CNTN4: variants seen among roughly 807,000 people sequenced by gnomAD.
CNTN4 encodes the protein contactin 4, also known as contactin-4.
In CNTN4, 77 loss-of-function variants were observed where a neutral mutation model predicts 122.5. That is an observed-to-expected ratio of 0.63 (90% CI 0.52 to 0.76). CNTN4 has a LOEUF of 0.76. Among genes scored for constraint, CNTN4 ranks in the 30% least tolerant of loss-of-function variants. The pLI, the probability that CNTN4 is intolerant of heterozygous loss-of-function variation, is 0.00. For missense variants in CNTN4, 1,256 were observed against 1,259.1 expected (o/e 1.00, Z 0.04); for synonymous variants, 512 against 447.0 (o/e 1.15, Z -1.83).
chr3:2,451,825 C>G (rs1242992296), intron 3 of CNTN4, among the ~76,000 whole-genome samples: 1 of 152,094 alleles, frequency 6.6e-6, no homozygotes, highest in African/African-American at 2.4e-5. Context: ...AAAATCTGTT[C>G]AGCCTTGTTG....
intron 3 of CNTN4, among the ~76,000 whole-genome samples, chr3:2,452,739 A>G (rs2048874238): frequency 6.6e-6 from 1 of 152,124 alleles, no homozygotes; most frequent in Admixed American, 6.6e-5. Flanking sequence ...GTAGGAGTAT[A>G]TGAGAGACAG....
At chr3:2,414,850 C>G (rs1001042883) in intron 3 of CNTN4, among the ~76,000 whole-genome samples, 2 of 152,230 alleles carry the variant, frequency 1.3e-5, no homozygotes, top group Admixed American at 6.5e-5. Flanking sequence ...ATCAATTATA[C>G]TTAAGAATAT....
At chr3:2,757,997 G>T (rs920584528) in intron 6 of CNTN4, among the ~76,000 whole-genome samples, 1 of 152,078 alleles carries the variant, frequency 6.6e-6, no homozygotes, top group Non-Finnish European at 1.5e-5. Flanking sequence ...TTTCAGATTT[G>T]TTCATTTGTT....
intron 4 of CNTN4, among the ~76,000 whole-genome samples, chr3:2,733,532 G>GTTTTTTTTTTTTT (rs1201306391): frequency 4.1e-5 from 5 of 120,556 alleles, no homozygotes; most frequent in African/African-American, 1.7e-4. Flanking sequence ...GCATGTTTGT[G>GTTTTTTTTTTTTT]TTTTTTTTTT....
intron 2 of CNTN4, among the ~76,000 whole-genome samples, chr3:2,313,961 T>C (rs923718628): frequency 1.3e-4 from 20 of 152,030 alleles, no homozygotes; most frequent in South Asian, 2.1e-4. Flanking sequence ...ATAAGAAATA[T>C]GATTATGCCC....
chr3:2,405,596 TAGATAGA>T (rs1479349296), intron 3 of CNTN4, among the ~76,000 whole-genome samples: 4 of 25,584 alleles, frequency 1.6e-4, no homozygotes, highest in Admixed American at 1.5e-3. Context: ...TATAGATAGG[TAGATAGA>T]TAGATAGATA....
At chr3:2,387,176 A>C (rs2046285156) in intron 3 of CNTN4, among the ~76,000 whole-genome samples, 1 of 152,210 alleles carries the variant, frequency 6.6e-6, no homozygotes, top group Non-Finnish European at 1.5e-5. Flanking sequence ...TAAATGAATG[A>C]AATATTGAAA....
chr3:2,561,054 C>T (rs527846957), intron 3 of CNTN4, among the ~76,000 whole-genome samples: 1 of 152,276 alleles, frequency 6.6e-6, no homozygotes, highest in South Asian at 2.1e-4. Flanking sequence ...GATGGACATA[C>T]TAGTAAGCTT....
At chr3:2,602,152 A>G (rs2081072863) in intron 4 of CNTN4, among the ~76,000 whole-genome samples, 1 of 152,168 alleles carries the variant, frequency 6.6e-6, no homozygotes, top group Admixed American at 6.6e-5. Flanking sequence ...AGTGGGCAAA[A>G]ACTGGAAGCA....
intron 6 of CNTN4, among the ~76,000 whole-genome samples, chr3:2,747,403 C>T (rs1348615336): frequency 2.9e-5 from 3 of 102,000 alleles, no homozygotes; most frequent in Non-Finnish European, 6.2e-5. Context: ...AGCGAGACTC[C>T]GTCTAAAAAA....
intron 3 of CNTN4, among the ~76,000 whole-genome samples, chr3:2,454,678 A>C: frequency 1.1e-5 from 1 of 91,090 alleles, no homozygotes; most frequent in Non-Finnish European, 2.4e-5. Flanking sequence ...GCCAGAATTC[A>C]AGTCTAGGTT....
chr3:2,752,109 C>T (rs2090123234), intron 6 of CNTN4, among the ~76,000 whole-genome samples: 2 of 152,190 alleles, frequency 1.3e-5, no homozygotes, highest in South Asian at 4.1e-4. Flanking sequence ...TTCTCTCTTC[C>T]ATTCCCCTTT....
intron 4 of CNTN4, among the ~76,000 whole-genome samples, chr3:2,658,140 G>A (rs2150255446): frequency 6.6e-6 from 1 of 151,452 alleles, no homozygotes; most frequent in African/African-American, 2.4e-5. Context: ...ACTCCAGCCA[G>A]CCTGTGCCCT....
At chr3:3,025,441 A>C (rs1040985942) in intron 14 of CNTN4, among the ~76,000 whole-genome samples, 5 of 152,186 alleles carry the variant, frequency 3.3e-5, no homozygotes, top group Admixed American at 6.5e-5. Flanking sequence ...ATGTTGACAA[A>C]GGAATAAACA....
intron 2 of CNTN4, among the ~76,000 whole-genome samples, chr3:2,229,772 A>G (rs1409094435): frequency 6.6e-6 from 1 of 152,238 alleles, no homozygotes; most frequent in Non-Finnish European, 1.5e-5. Flanking sequence ...CCTGCTGAAT[A>G]AGTACTAATA....
chr3:2,271,345 G>T (rs1433718764), intron 2 of CNTN4, among the ~76,000 whole-genome samples: 2 of 152,060 alleles, frequency 1.3e-5, no homozygotes, highest in Non-Finnish European at 2.9e-5. Context: ...GTAAGAATAT[G>T]TTCTTGAAGG....
At chr3:2,536,313 C>A (rs567762347) in intron 3 of CNTN4, among the ~76,000 whole-genome samples, 11 of 152,260 alleles carry the variant, frequency 7.2e-5, no homozygotes, top group African/African-American at 1.9e-4. Flanking sequence ...TAAGCCTAAT[C>A]CTACTGCTTT....
intron 2 of CNTN4, among the ~76,000 whole-genome samples, chr3:2,225,807 A>G (rs1040502808): frequency 2.0e-5 from 3 of 152,152 alleles, no homozygotes; most frequent in African/African-American, 7.2e-5. Context: ...ACTGGCTCAC[A>G]TCTTCTGTCT....
chr3:2,973,384 A>G (rs977842115), intron 13 of CNTN4, among the ~76,000 whole-genome samples: 1 of 151,970 alleles, frequency 6.6e-6, no homozygotes, highest in Non-Finnish European at 1.5e-5. Context: ...CGAGACTAAA[A>G]TTTTTGGTGA....
Sources: gnomAD v4.1 joint callset for allele counts (sites outside exome capture counted in the v4.1 genomes callset) on GRCh38, gnomAD v4.1.1 for gene constraint, MANE v1.5 for transcripts, NCBI Gene and HGNC (gene_info 2026-07-23, HGNC 2026-07-21) for gene names.